The following SH3RF3 variants were observed in gnomAD, a reference collection of about 807,000 sequenced individuals.
SH3RF3 encodes SH3 domain containing ring finger 3.
Under a neutral mutation model 66.3 loss-of-function variants are expected in SH3RF3, and 29 were observed. That is an observed-to-expected ratio of 0.44 (90% confidence interval 0.33 to 0.60). SH3RF3 has a LOEUF of 0.60. Among genes scored for constraint, SH3RF3 ranks in the 20% least tolerant of loss-of-function variants. The probability of loss-of-function intolerance (pLI) is 0.04; values close to 1 mark genes in which losing one functional copy is unlikely to be tolerated. For missense variants in SH3RF3, 1,194 were observed against 1,190.9 expected, an observed-to-expected ratio of 1.00 and a Z score of -0.04; for synonymous variants, 583 against 532.0, an observed-to-expected ratio of 1.10 and a Z score of -1.32.
At chr2:109,395,834 T>C (rs150749418) in intron 3 of SH3RF3, among the ~76,000 whole-genome samples, 1 of 152,318 alleles carries the variant, frequency 6.6e-6, no homozygotes, top group African/African-American at 2.4e-5. Context: ...GCCCCATCTC[T>C]TCTGGACTTG....
chr2:109,382,259 C>G (rs1315687937), intron 3 of SH3RF3, among the ~76,000 whole-genome samples: 1 of 152,162 alleles, frequency 6.6e-6, no homozygotes, highest in African/African-American at 2.4e-5. Flanking sequence ...ACCATAGGGT[C>G]TGTCTTAGTT....
At chr2:109,461,744 C>A (rs1362065667) in intron 8 of SH3RF3, among the ~76,000 whole-genome samples, 1 of 152,266 alleles carries the variant, frequency 6.6e-6, no homozygotes, top group African/African-American at 2.4e-5. Flanking sequence ...TCAGGCACCA[C>A]TGGATCTCCT....
chr2:109,483,829 G>C (rs748347356), intron 8 of SH3RF3, among the ~76,000 whole-genome samples: 63 of 152,106 alleles, frequency 4.1e-4, no homozygotes, highest in Non-Finnish European at 7.9e-4. Flanking sequence ...CTCCTCCTGT[G>C]ACTGTCCCCA....
chr2:109,317,203 G>A (rs547913113), intron 1 of SH3RF3, among the ~76,000 whole-genome samples: 7 of 132,266 alleles, frequency 5.3e-5, no homozygotes, highest in East Asian at 4.3e-4. Context: ...TGGGGTTTTC[G>A]GGACCCCAGC....
chr2:109,251,422 A>T, intron 1 of SH3RF3: 1 of 707,188 alleles, frequency 1.4e-6, no homozygotes, highest in South Asian at 1.4e-5. Context: ...AGTAGACACC[A>T]TGAGCAAAGC....
At chr2:109,260,674 G>A (rs1680327668) in intron 1 of SH3RF3, among the ~76,000 whole-genome samples, 1 of 152,194 alleles carries the variant, frequency 6.6e-6, no homozygotes. Flanking sequence ...AGGCCCATGG[G>A]AGAAGCGGCC....
At chr2:109,241,233 C>T (rs139930758) in intron 1 of SH3RF3, among the ~76,000 whole-genome samples, 3 of 143,304 alleles carry the variant, frequency 2.1e-5, no homozygotes, top group African/African-American at 8.0e-5. Flanking sequence ...TGTCTCTTGA[C>T]CTAACAATTC....
At chr2:109,254,873 A>T (rs571271999) in intron 1 of SH3RF3, among the ~76,000 whole-genome samples, 1 of 152,262 alleles carries the variant, frequency 6.6e-6, no homozygotes, top group East Asian at 1.9e-4. Flanking sequence ...CCGAATTCTC[A>T]CGGGTGGGCT....
chr2:109,449,561 G>A (rs1559089736), intron 8 of SH3RF3, 72 bp downstream of exon 8: 11 of 1,528,454 alleles, frequency 7.2e-6, no homozygotes, highest in Non-Finnish European at 7.9e-6. Flanking sequence ...GCACTAGATG[G>A]CAGTGGCATT....
chr2:109,287,599 C>G (rs1019467515), intron 1 of SH3RF3, among the ~76,000 whole-genome samples: 1 of 152,174 alleles, frequency 6.6e-6, no homozygotes, highest in Non-Finnish European at 1.5e-5. Context: ...ACTATATACC[C>G]AGGCGCAGGT....
chr2:109,312,028 C>T (rs1380667219), intron 1 of SH3RF3, among the ~76,000 whole-genome samples: 1 of 128,786 alleles, frequency 7.8e-6, no homozygotes, highest in Non-Finnish European at 1.6e-5. Flanking sequence ...CTGACTTGAG[C>T]GTTGTGGCCG....
chr2:109,405,013 A>G (rs1383955286), intron 4 of SH3RF3, among the ~76,000 whole-genome samples: 2 of 44,212 alleles, frequency 4.5e-5, no homozygotes, highest in Admixed American at 4.7e-4. Flanking sequence ...AATACCCCCC[A>G]CCTTCTCTTC....
intron 1 of SH3RF3, among the ~76,000 whole-genome samples, chr2:109,327,326 A>G (rs1021083242): frequency 2.0e-5 from 3 of 152,342 alleles, no homozygotes; most frequent in South Asian, 2.1e-4. Flanking sequence ...GGTAAATCAC[A>G]TCATCTGCAC....
intron 1 of SH3RF3, among the ~76,000 whole-genome samples, chr2:109,244,174 A>G (rs1679855321): frequency 6.6e-6 from 1 of 152,190 alleles, no homozygotes; most frequent in African/African-American, 2.4e-5. Context: ...TGAAGGATGT[A>G]CTATTTATGG....
chr2:109,206,248 T>C (rs1362045693), intron 1 of SH3RF3, among the ~76,000 whole-genome samples: 2 of 151,956 alleles, frequency 1.3e-5, no homozygotes, highest in African/African-American at 2.4e-5. Flanking sequence ...CCCAGCACTT[T>C]GGGAGGCTGA....
intron 1 of SH3RF3, among the ~76,000 whole-genome samples, chr2:109,295,361 G>A (rs1681283929): frequency 6.6e-6 from 1 of 152,244 alleles, no homozygotes; most frequent in Non-Finnish European, 1.5e-5. Context: ...CACACAGCTG[G>A]TGAGCACCAG....
chr2:109,389,360 C>T (rs573549797), intron 3 of SH3RF3, among the ~76,000 whole-genome samples: 61 of 152,316 alleles, frequency 4.0e-4, no homozygotes, highest in African/African-American at 1.2e-3. Flanking sequence ...CCCTGGGTGC[C>T]GACAGCTTTC....
At chr2:109,298,061 C>G (rs1559008966) in intron 1 of SH3RF3, among the ~76,000 whole-genome samples, 1 of 152,166 alleles carries the variant, frequency 6.6e-6, no homozygotes. Flanking sequence ...GTGGGATGTT[C>G]TGCACTGGAG....
At chr2:109,489,475 C>T (rs1431597916) in intron 8 of SH3RF3, among the ~76,000 whole-genome samples, 1 of 152,212 alleles carries the variant, frequency 6.6e-6, no homozygotes, top group East Asian at 1.9e-4. Flanking sequence ...TGTCACCTGT[C>T]CTACAAAGTC....
Sources: allele counts gnomAD v4.1 joint callset (sites outside exome capture counted in the v4.1 genomes callset), GRCh38; gene constraint gnomAD v4.1.1; transcripts MANE v1.5; gene names NCBI Gene and HGNC (gene_info 2026-07-23, HGNC 2026-07-21).